The following C10orf90 variants were observed in gnomAD, a reference collection of about 807,000 sequenced individuals.
C10orf90 encodes the protein chromosome 10 open reading frame 90.
Under a neutral mutation model 62.5 loss-of-function variants are expected in C10orf90, and 56 were observed. The ratio of observed to expected loss-of-function variants is 0.90; its 90% CI spans 0.72 to 1.12. C10orf90 has a LOEUF of 1.12. Among genes scored for constraint, C10orf90 ranks in the 50% most tolerant of loss-of-function variants. The pLI is 0.00. For synonymous variants in C10orf90, 386 were observed against 340.4 expected (o/e 1.13, Z -1.47); for missense variants, 970 against 880.4 (o/e 1.10, Z -1.29).
At chr10:126,567,894 C>A (rs1190900420) in intron 2 of C10orf90, among the ~76,000 whole-genome samples, 1 of 151,792 alleles carries the variant, frequency 6.6e-6, no homozygotes, top group African/African-American at 2.4e-5. Context: ...TTGTAAGATG[C>A]GGCAGGTTTG....
intron 6 of C10orf90, among the ~76,000 whole-genome samples, chr10:126,460,848 T>C (rs537702940): frequency 6.6e-6 from 1 of 152,342 alleles, no homozygotes; most frequent in African/African-American, 2.4e-5. Context: ...AGCAGAGGAT[T>C]CCTCTGAGGT....
intron 2 of C10orf90, among the ~76,000 whole-genome samples, chr10:126,525,612 C>T (rs1379603876): frequency 1.1e-4 from 16 of 152,252 alleles, no homozygotes; most frequent in Admixed American, 9.1e-4. Flanking sequence ...TAGCCACACG[C>T]TGCACATCGG....
At chr10:126,624,592 T>A (rs1446893867) in intron 2 of C10orf90, among the ~76,000 whole-genome samples, 1 of 151,944 alleles carries the variant, frequency 6.6e-6, no homozygotes, top group Admixed American at 6.6e-5. Flanking sequence ...TAGTAGAGAG[T>A]TAGAAATGGT....
intron 2 of C10orf90, among the ~76,000 whole-genome samples, chr10:126,605,193 A>G (rs1232763059): frequency 7.2e-5 from 11 of 152,240 alleles, no homozygotes; most frequent in Non-Finnish European, 2.9e-5. Flanking sequence ...TTGGGCCAGC[A>G]AGTCATGAAT....
intron 2 of C10orf90, among the ~76,000 whole-genome samples, chr10:126,545,174 C>T (rs928436695): frequency 1.3e-5 from 2 of 152,150 alleles, no homozygotes; most frequent in African/African-American, 4.8e-5. Flanking sequence ...ATACCCAGCC[C>T]TCCCTCTGAT....
rs1392936184 is a variant in C10orf90, at chr10:126,504,208, A to G, written c.1283T>C (p.Val428Ala). The change falls in exon 4 of 10, where the codon GTA becomes GCA. Residue 428 changes from valine to alanine, a missense_variant. Transcript: ENST00000488181. This position sits in a 1 kb window ranked among gnomAD's most constrained non-coding sequence, Gnocchi z 4.1. The part of the protein sequence containing the change: ...QELLEGDQDL[V>A]GQRWNPGLQE... ...TAAACCTGGGTTCCAGCGCTGGCCT[A>G]CGAGGTCCTGGTCTCCCTCCAGGAG... 3 of 1,614,154 alleles carry G rather than the reference A, an allele frequency of 1.9e-6. No homozygotes were observed. The highest frequency in any genetic ancestry group is 1.3e-5 in the African/African-American group (1 of 75,042).
chr10:126,504,069 T>G lies in C10orf90; in HGVS notation c.1422A>C (p.Gly474=). ...PLENTELANV[G]ANQVTVRKGE... ...CTTTTCTTACAGTGACTTGGTTAGC[T>G]CCCACATTTGCCAATTCTGTGTTTT... Residue 474 remains glycine (G), a synonymous_variant, in exon 4 of 10, where the codon GGA becomes GGC. Transcript: ENST00000488181. The surrounding 1 kb of genome is among the most constrained non-coding windows in gnomAD (Gnocchi z 4.1). The G allele has an allele frequency of 6.2e-7, 1 of 1,614,100 alleles. No homozygotes were observed. Among genetic ancestry groups the G allele is most frequent in the Non-Finnish European group, 8.5e-7 (1 of 1,180,026 alleles).
chr10:126,532,861 TG>T (rs1466362407), intron 2 of C10orf90, among the ~76,000 whole-genome samples: 235 of 20,408 alleles, frequency 0.012, 86 homozygotes, highest in Non-Finnish European at 0.025. Context: ...AAAAAAATAG[TG>T]AGCACAAAAC....
chr10:126,530,392 A>C lies in C10orf90; in HGVS notation c.314-16453T>G, dbSNP rs180856123. On this transcript the variant is annotated intron_variant, in intron 2 of 9. Transcript: ENST00000488181. ...AGAAATTTCTATTGTCAGGAATAAG[A>C]GAGACATCACTGCAGAGACTACAGA... Among the ~76,000 whole-genome samples, 319 of 152,264 alleles carry C rather than the reference A, an allele frequency of 2.1e-3. 1 individual carries two copies. The highest frequency in any genetic ancestry group is 7.0e-3 in the African/African-American group (291 of 41,572).
chr10:126,553,382 A>G (rs1246142311), intron 2 of C10orf90, among the ~76,000 whole-genome samples: 3 of 152,198 alleles, frequency 2.0e-5, no homozygotes, highest in Non-Finnish European at 4.4e-5. Flanking sequence ...GTGACAAATA[A>G]GGACATGAAT....
At chr10:126,605,495 C>T (rs966378517) in intron 2 of C10orf90, among the ~76,000 whole-genome samples, 2 of 152,306 alleles carry the variant, frequency 1.3e-5, no homozygotes, top group Non-Finnish European at 2.9e-5. Context: ...GAGGCCCCTG[C>T]GCCCCTGCAT....
intron 7 of C10orf90, among the ~76,000 whole-genome samples, chr10:126,435,392 G>C (rs920827665): frequency 2.6e-5 from 4 of 152,216 alleles, no homozygotes; most frequent in Non-Finnish European, 4.4e-5. Flanking sequence ...CTTGCACACA[G>C]AGACTTACCC....
chr10:126,532,286 T>C (rs1375703854), intron 2 of C10orf90, among the ~76,000 whole-genome samples: 1 of 152,112 alleles, frequency 6.6e-6, no homozygotes, highest in African/African-American at 2.4e-5. Flanking sequence ...AAATGCTCAG[T>C]GTGTAAACTG....
chr10:126,490,028 A>T (rs750804677), intron 4 of C10orf90, among the ~76,000 whole-genome samples: 1,046 of 102,560 alleles, frequency 0.01, 28 homozygotes, highest in African/African-American at 0.05. Flanking sequence ...TATAATATAT[A>T]ATATATAATA....
chr10:126,573,266 C>T (rs1468490618), intron 2 of C10orf90, among the ~76,000 whole-genome samples: 1 of 152,150 alleles, frequency 6.6e-6, no homozygotes, highest in African/African-American at 2.4e-5. Context: ...CAGAACAGAA[C>T]AGGACAGGGA....
intron 2 of C10orf90, among the ~76,000 whole-genome samples, chr10:126,598,430 A>G (rs1845129170): frequency 6.6e-6 from 1 of 152,158 alleles, no homozygotes; most frequent in Admixed American, 6.5e-5. Flanking sequence ...TGATGCCCAT[A>G]TGAGAATTAA....
intron 2 of C10orf90, among the ~76,000 whole-genome samples, chr10:126,603,184 G>C (rs549354625): frequency 6.6e-6 from 1 of 152,246 alleles, no homozygotes; most frequent in African/African-American, 2.4e-5. Context: ...TCTGAGATGA[G>C]GTACTTTATA....
intron 4 of C10orf90, among the ~76,000 whole-genome samples, chr10:126,481,903 G>A (rs560920371): frequency 2.0e-5 from 3 of 152,122 alleles, no homozygotes; most frequent in Middle Eastern, 3.2e-3. Context: ...CTGTGTAAAA[G>A]CTGACCATAA....
chr10:126,584,443 T>TAC (rs1844818516), intron 2 of C10orf90, among the ~76,000 whole-genome samples: 1 of 152,156 alleles, frequency 6.6e-6, no homozygotes, highest in African/African-American at 2.4e-5. Flanking sequence ...CATCCATCCC[T>TAC]CTGTCTACCT....
Sources: allele counts gnomAD v4.1 joint callset (sites outside exome capture counted in the v4.1 genomes callset), GRCh38; gene constraint gnomAD v4.1.1; non-coding constraint Gnocchi (gnomAD v3.1); transcripts MANE v1.5; gene names NCBI Gene and HGNC (gene_info 2026-07-23, HGNC 2026-07-21).